The following CNTNAP4 variants were observed in gnomAD, a reference collection of about 807,000 sequenced individuals.
CNTNAP4 encodes contactin-associated protein-like 4.
CNTNAP4 carries 98 observed loss-of-function variants against 148.4 expected under a neutral mutation model. That is an observed-to-expected ratio of 0.66 (90% CI 0.56 to 0.78). The LOEUF is 0.78. CNTNAP4 is among the 30% of genes least tolerant of loss of function. The probability of loss-of-function intolerance (pLI) is 0.00; values close to 1 mark genes in which losing one functional copy is unlikely to be tolerated. For synonymous variants in CNTNAP4, 730 were observed against 565.1 expected (o/e 1.29, Z -4.14); for missense variants, 1,935 against 1,565.6 (o/e 1.24, Z -3.98).
intron 1 of CNTNAP4, among the ~76,000 whole-genome samples, chr16:76,290,171 A>G (rs555091328): frequency 6.6e-6 from 1 of 152,170 alleles, no homozygotes; most frequent in Non-Finnish European, 1.5e-5. Context: ...ACAAACTAGG[A>G]AACAAATTTA....
At chr16:76,548,843 A>T (rs1016305588) in intron 21 of CNTNAP4, among the ~76,000 whole-genome samples, 2 of 152,184 alleles carry the variant, frequency 1.3e-5, no homozygotes, top group African/African-American at 4.8e-5. Flanking sequence ...AGAAAAACTT[A>T]TATTTTTGCC....
In CNTNAP4 at chr16:76,450,917, C is replaced by A. The variant is rs114488245; in HGVS notation, c.1071+1059C>A. 3.3e-3 allele frequency among the ~76,000 whole-genome samples: 508 copies of A among 152,294 alleles called. 2 individuals carry two copies. The highest frequency in any genetic ancestry group is 0.012 in the African/African-American group (479 of 41,556). On this transcript the variant is annotated intron_variant, in intron 7 of 23. Coordinates refer to ENST00000611870, the MANE Select transcript of CNTNAP4 (RefSeq NM_033401.5). ...GGCCTGGCAGGGGAAGTGCGAGGAT[C>A]AGAGAAGTCATTAATTCTGCCCAAA...
chr16:76,519,374 A>C (rs897012243), intron 15 of CNTNAP4, among the ~76,000 whole-genome samples: 2 of 152,152 alleles, frequency 1.3e-5, no homozygotes, highest in Admixed American at 6.6e-5. Context: ...GAAGCCTTCT[A>C]TATGATGCTT....
intron 3 of CNTNAP4, among the ~76,000 whole-genome samples, chr16:76,420,066 G>A (rs2079123178): frequency 6.6e-6 from 1 of 151,208 alleles, no homozygotes; most frequent in Non-Finnish European, 1.5e-5. Flanking sequence ...TCTCTGATGA[G>A]TCTAAGAAAA....
chr16:76,403,448 C>A (rs564595524), intron 3 of CNTNAP4, among the ~76,000 whole-genome samples: 1 of 152,186 alleles, frequency 6.6e-6, no homozygotes, highest in South Asian at 2.1e-4. Flanking sequence ...TGAAGAAAAT[C>A]CCAATATCAC....
At chr16:76,328,651 GT>G (rs1006303954) in intron 2 of CNTNAP4, among the ~76,000 whole-genome samples, 50 of 146,830 alleles carry the variant, frequency 3.4e-4, no homozygotes, top group East Asian at 5.9e-4. Context: ...TGTAAGGTGT[GT>G]TTTTTTTTTT....
chr16:76,486,265 G>T (rs550575951), intron 12 of CNTNAP4, among the ~76,000 whole-genome samples: 3 of 152,024 alleles, frequency 2.0e-5, no homozygotes, highest in South Asian at 4.2e-4. Flanking sequence ...GTAAAATCAT[G>T]ATTCTCATAC....
At chr16:76,343,496 C>A (rs948222037) in intron 2 of CNTNAP4, among the ~76,000 whole-genome samples, 2 of 152,166 alleles carry the variant, frequency 1.3e-5, no homozygotes, top group African/African-American at 4.8e-5. Context: ...AAACATTCGC[C>A]TGCTTTTTCT....
intron 15 of CNTNAP4, among the ~76,000 whole-genome samples, chr16:76,511,673 T>C (rs2083029656): frequency 6.6e-6 from 1 of 152,230 alleles, no homozygotes; most frequent in Non-Finnish European, 1.5e-5. Context: ...TCTTTTTCAA[T>C]TTCACTTTTG....
At chr16:76,396,560 G>A (rs1172869557) in intron 3 of CNTNAP4, among the ~76,000 whole-genome samples, 4 of 152,208 alleles carry the variant, frequency 2.6e-5, no homozygotes, top group Non-Finnish European at 5.9e-5. Flanking sequence ...TTACAGAGTG[G>A]TTTTGTTTTT....
intron 3 of CNTNAP4, among the ~76,000 whole-genome samples, chr16:76,384,707 G>C (rs2016340163): frequency 6.6e-6 from 1 of 152,128 alleles, no homozygotes; most frequent in Non-Finnish European, 1.5e-5. Context: ...GCTTCATCAT[G>C]ACCTCGAAAT....
chr16:76,439,213 A>C (rs369381101), intron 4 of CNTNAP4, among the ~76,000 whole-genome samples: 1 of 152,178 alleles, frequency 6.6e-6, no homozygotes, highest in Non-Finnish European at 1.5e-5. Context: ...AATTAAAAAA[A>C]ATCTGATTAT....
chr16:76,428,282 A>G (rs2079483151), intron 4 of CNTNAP4, among the ~76,000 whole-genome samples: 1 of 152,162 alleles, frequency 6.6e-6, no homozygotes, highest in African/African-American at 2.4e-5. Flanking sequence ...CTTTTATTAT[A>G]GAACAGTGGG....
At chr16:76,416,561 T>C (rs1370017450) in intron 3 of CNTNAP4, among the ~76,000 whole-genome samples, 1 of 151,414 alleles carries the variant, frequency 6.6e-6, no homozygotes, top group Non-Finnish European at 1.5e-5. Context: ...GTTATTTTTC[T>C]GTTATTAATT....
At chr16:76,437,852 GT>G (rs1478833975) in intron 4 of CNTNAP4, among the ~76,000 whole-genome samples, 2 of 152,080 alleles carry the variant, frequency 1.3e-5, no homozygotes, top group Admixed American at 6.6e-5. Context: ...AACTATGACG[GT>G]TCACAACAAG....
chr16:76,502,370 C>CTTT (rs199615956), intron 15 of CNTNAP4, among the ~76,000 whole-genome samples: 1 of 130,940 alleles, frequency 7.6e-6, no homozygotes. Flanking sequence ...GCCATAGGTA[C>CTTT]TTTTTTTTTT....
At chr16:76,454,114 T>C (rs980319018) in intron 8 of CNTNAP4, among the ~76,000 whole-genome samples, 2 of 148,914 alleles carry the variant, frequency 1.3e-5, no homozygotes, top group South Asian at 4.2e-4. Flanking sequence ...TTTCTTTCTT[T>C]TTTTTTTTTT....
In CNTNAP4 at chr16:76,316,494, C is replaced by G. The variant is rs1597167267; in HGVS notation, c.167C>G (p.Pro56Arg). 1 of 1,613,730 alleles carries G rather than the reference C, an allele frequency of 6.2e-7. No homozygotes were observed. Among genetic ancestry groups the G allele is most frequent in the Non-Finnish European group, 8.5e-7 (1 of 1,179,702 alleles). The change falls in exon 2 of 24, where the codon CCT becomes CGT. Residue 56 changes from proline to arginine, a missense_variant. By Grantham distance (103) the Pro-to-Arg change is moderately radical. Transcript: ENST00000611870. Reference protein sequence around the residue: ...SSSELSSSHGPGFARLNRRDG... With the variant: ...SSSELSSSHGRGFARLNRRDG... ...TCCGAGCTCTCCAGCAGTCATGGTCCTGGATTTGCAAGGCTGAATAGAAGA... is the reference window on the plus strand; with the variant it reads ...TCCGAGCTCTCCAGCAGTCATGGTCGTGGATTTGCAAGGCTGAATAGAAGA...
chr16:76,558,770 A>C lies in CNTNAP4; in HGVS notation c.*87A>C. On this transcript the variant is annotated 3_prime_UTR_variant, in exon 24 of 24. Coordinates refer to ENST00000611870, the MANE Select transcript of CNTNAP4 (RefSeq NM_033401.5). ...TGGAAAAACGAATGCTCTTACACTG[A>C]ATGTACAGGCAGTGGGCTTGCAGCA... The C allele has an allele frequency of 4.0e-6, 4 of 1,009,260 alleles. No individual in the cohort carries two copies. The highest frequency in any genetic ancestry group is 5.7e-6 in the Non-Finnish European group (4 of 698,800). The allele number at this position is 1,009,260 out of a possible 1,614,324, so 62.5% of individuals were successfully genotyped here. A position where few individuals can be genotyped will look rare whatever the true frequency, so the allele number is the denominator to read the frequency against.
Sources: allele counts gnomAD v4.1 joint callset (sites outside exome capture counted in the v4.1 genomes callset), GRCh38; gene constraint gnomAD v4.1.1; transcripts MANE v1.5; gene names NCBI Gene and HGNC (gene_info 2026-07-23, HGNC 2026-07-21).